Variants in SH3TC1 observed in about 807,000 individuals in gnomAD.
SH3TC1 encodes SH3 domain and tetratricopeptide repeat-containing protein 1.
A neutral mutation model predicts 117.3 loss-of-function variants in SH3TC1; 135 were observed. The ratio of observed to expected loss-of-function variants is 1.15; its 90% CI spans 1.00 to 1.33. The LOEUF (loss-of-function observed/expected upper bound fraction) is 1.33. SH3TC1 is among the 40% of genes most tolerant of loss of function. The probability of loss-of-function intolerance (pLI) is 0.00; values close to 1 mark genes in which losing one functional copy is unlikely to be tolerated. For missense variants in SH3TC1, 2,092 were observed against 1,794.3 expected (o/e 1.17, Z -3.00); for synonymous variants, 898 against 816.9 (o/e 1.10, Z -1.69).
At chr4:8,231,832 A>T in intron 12 of SH3TC1, 144 bp from the exon 13 acceptor site, 1 of 869,698 alleles carries the variant, frequency 1.1e-6, no homozygotes. Flanking sequence ...TGCCCATGTC[A>T]CGGTGTGCTC....
Position 8,227,281 on chromosome 4 carries a change from G to A in SH3TC1, c.1587G>A (p.Val529=). ...TGGCGCTGCCGTGGCTGAGCAGCGT[G>A]TTCCGCAGCTTCAGCGACGAGGAGG... ...YDVALPWLSS[V]FRSFSDEEEL... The change falls in exon 12 of 18, where the codon GTG becomes GTA. Residue 529 remains valine (V), a synonymous_variant. Transcript: ENST00000245105. The A allele has an allele frequency of 1.2e-6, 2 of 1,606,898 alleles. No homozygotes were observed. The highest frequency in any genetic ancestry group is 1.7e-6 in the Non-Finnish European group (2 of 1,177,222).
chr4:8,222,818 TA>T (rs1720065079), intron 9 of SH3TC1, 21 bp from the exon 10 acceptor site: 1 of 1,606,232 alleles, frequency 6.2e-7, no homozygotes, highest in Non-Finnish European at 8.5e-7. Flanking sequence ...TTGTTTTGAA[TA>T]AAGCACTTTA....
chr4:8,220,202 C>T (rs1329407273), intron 9 of SH3TC1, among the ~76,000 whole-genome samples: 7 of 152,208 alleles, frequency 4.6e-5, no homozygotes, highest in Non-Finnish European at 8.8e-5. Flanking sequence ...GTACACACGT[C>T]GCTCTCCTCC....
chr4:8,234,017 C>T (rs1322863634), intron 14 of SH3TC1, among the ~76,000 whole-genome samples: 1 of 146,472 alleles, frequency 6.8e-6, no homozygotes, highest in African/African-American at 2.6e-5. Context: ...ATTTATCCAT[C>T]CATCATCCAT....
chr4:8,202,744 T>A (rs980788740), intron 1 of SH3TC1, among the ~76,000 whole-genome samples: 1 of 152,166 alleles, frequency 6.6e-6, no homozygotes. Flanking sequence ...CTTCCCTGAC[T>A]GTGGGATTCC....
chr4:8,201,446 A>C, intron 1 of SH3TC1: 1 of 152,428 alleles, frequency 6.6e-6, no homozygotes, highest in South Asian at 2.1e-4. Flanking sequence ...GTTCTGACCC[A>C]TCCAGGGCCC....
intron 1 of SH3TC1, among the ~76,000 whole-genome samples, chr4:8,184,724 C>G (rs1365503510): frequency 2.6e-5 from 4 of 152,158 alleles, no homozygotes; most frequent in Non-Finnish European, 4.4e-5. Flanking sequence ...TGTGGGGCTC[C>G]TTTTGCCTTC....
chr4:8,217,374 GC>G (rs1161171473), intron 7 of SH3TC1, among the ~76,000 whole-genome samples: 1 of 152,232 alleles, frequency 6.6e-6, no homozygotes, highest in Non-Finnish European at 1.5e-5. Flanking sequence ...TGCATGATAG[GC>G]CAATGACATC....
In SH3TC1 at chr4:8,227,106, C is replaced by T. The variant is rs757658301; in HGVS notation, c.1412C>T (p.Ala471Val). The T allele has an allele frequency of 1.2e-6, 2 of 1,612,756 alleles. No individual in the cohort carries two copies. The highest frequency in any genetic ancestry group is 2.7e-5 in the African/African-American group (2 of 75,028). Residue 471 changes from alanine (A) to valine (V), a missense_variant, in exon 12 of 18, where the codon GCA becomes GTA. Physicochemically the swap from Ala to Val is moderately conservative, Grantham distance 64. Coordinates refer to ENST00000245105, the MANE Select transcript of SH3TC1 (RefSeq NM_018986.5). ...CCAGCGTCCTGGGGTCTCTGTGCGGCATCCAGCGACGTGAGCTTGCAGGAC... is the reference window on the plus strand; with the variant it reads ...CCAGCGTCCTGGGGTCTCTGTGCGGTATCCAGCGACGTGAGCTTGCAGGAC... ...QEPASWGLCAASSDVSLQDPE... is the reference protein window; with the variant it reads ...QEPASWGLCAVSSDVSLQDPE...
intron 7 of SH3TC1, 119 bp from the exon 8 acceptor site, chr4:8,218,152 G>T: frequency 1.6e-6 from 1 of 620,208 alleles, no homozygotes; most frequent in Non-Finnish European, 2.9e-6. Flanking sequence ...GTGTGTGTTG[G>T]GGGAGGCGAG....
intron 4 of SH3TC1, 54 bp downstream of exon 4, chr4:8,212,882 G>A: frequency 8.7e-6 from 13 of 1,492,696 alleles, no homozygotes; most frequent in Admixed American, 2.2e-5. Context: ...CAGGGGGAGG[G>A]AGGGGCTGAG....
At chr4:8,189,636 C>A (rs116372723) in intron 1 of SH3TC1, among the ~76,000 whole-genome samples, 2,927 of 152,112 alleles carry the variant, frequency 0.019, 41 homozygotes, top group Non-Finnish European at 0.031. Context: ...CGCCAAGTGC[C>A]CTGTGGTGCC....
rs1216247268 is a variant in SH3TC1 at position 8,228,503 on chromosome 4, C to A, written c.2809C>A (p.Pro937Thr). The A allele has an allele frequency of 6.2e-7, 1 of 1,611,388 alleles. No homozygotes were observed. Among genetic ancestry groups the A allele is most frequent in the African/African-American group, 1.3e-5 (1 of 75,068 alleles). The change falls in exon 12 of 18, where the codon CCC becomes ACC. Residue 937 changes from proline (P) to threonine (T), a missense_variant. Pro to Thr is a conservative substitution (Grantham distance 38, BLOSUM62 -1). Coordinates refer to ENST00000245105, the MANE Select transcript of SH3TC1 (RefSeq NM_018986.5). Reference sequence around the variant, plus strand: ...GGCCGTGCGGCTGTTCTCGAGGCTGCCCCTTGGGGAGTGTGGCCGGGACTT... The same window carrying A: ...GGCCGTGCGGCTGTTCTCGAGGCTGACCCTTGGGGAGTGTGGCCGGGACTT... ...LEAVRLFSRL[P>T]LGECGRDFTH...
At chr4:8,215,789 C>G (rs924133805) in intron 5 of SH3TC1, among the ~76,000 whole-genome samples, 16 of 152,344 alleles carry the variant, frequency 1.1e-4, no homozygotes, top group African/African-American at 3.4e-4. Flanking sequence ...CTGGCCCATA[C>G]CCCCTGCGGC....
intron 2 of SH3TC1, among the ~76,000 whole-genome samples, chr4:8,207,100 C>T (rs1268709987): frequency 6.8e-6 from 1 of 146,524 alleles, no homozygotes; most frequent in Non-Finnish European, 1.5e-5. Flanking sequence ...AAAAAAAATT[C>T]CTGGGTCACA....
chr4:8,184,805 T>A (rs1717174696), intron 1 of SH3TC1, among the ~76,000 whole-genome samples: 1 of 152,096 alleles, frequency 6.6e-6, no homozygotes, highest in South Asian at 2.1e-4. Flanking sequence ...TGTGATACAG[T>A]TATTAATTGT....
Position 8,200,252 on chromosome 4 carries a change from C to T in SH3TC1, c.-29+847C>T, listed in dbSNP as rs116798779. On this transcript the variant is annotated intron_variant, in intron 1 of 17. Coordinates refer to ENST00000245105, the MANE Select transcript of SH3TC1 (RefSeq NM_018986.5). Reference sequence around the variant, plus strand: ...CTCCCAGCGCCAGGCAGCGGGGCTGCGGCTGAGCTTGTGGCTGGAGGCAAG... The same window carrying T: ...CTCCCAGCGCCAGGCAGCGGGGCTGTGGCTGAGCTTGTGGCTGGAGGCAAG... Among the ~76,000 whole-genome samples the T allele has an allele frequency of 5.8e-3, 884 of 152,292 alleles. 5 individuals are homozygous for T. Among genetic ancestry groups the T allele is most frequent in the African/African-American group, 0.02 (821 of 41,558 alleles).
rs115649794 is a variant in SH3TC1 at position 8,200,954 on chromosome 4, C to G, written c.-29+1549C>G. 8.5e-3 allele frequency among the ~76,000 whole-genome samples: 1,302 copies of G among 152,354 alleles called. 10 individuals carry two copies. Among genetic ancestry groups the G allele is most frequent in the Middle Eastern group, 0.048 (14 of 294 alleles). On this transcript the variant is annotated intron_variant, in intron 1 of 17. Coordinates refer to ENST00000245105, the MANE Select transcript of SH3TC1 (RefSeq NM_018986.5). Reference sequence around the variant, plus strand: ...GGGCCATCCTCATCTGGAACACCCTCATCCCAAGGGAAGGTCGCTTCATCT... The same window carrying G: ...GGGCCATCCTCATCTGGAACACCCTGATCCCAAGGGAAGGTCGCTTCATCT...
At chr4:8,212,407 T>C (rs1718827869) in intron 3 of SH3TC1, among the ~76,000 whole-genome samples, 1 of 152,178 alleles carries the variant, frequency 6.6e-6, no homozygotes, top group African/African-American at 2.4e-5. Context: ...CTGTGCGCAG[T>C]GGTTTCTGTG....
Sources: gnomAD v4.1 joint callset for allele counts (sites outside exome capture counted in the v4.1 genomes callset) on GRCh38, gnomAD v4.1.1 for gene constraint, MANE v1.5 for transcripts, NCBI Gene and HGNC (gene_info 2026-07-23, HGNC 2026-07-21) for gene names.